The following SPIDR variants were observed in gnomAD, a reference collection of about 807,000 sequenced individuals.
SPIDR encodes DNA repair-scaffolding protein.
In SPIDR, 93 loss-of-function variants were observed where a neutral mutation model predicts 104.6. That is an observed-to-expected ratio of 0.89 (90% CI 0.75 to 1.06). The LOEUF is 1.06. Among genes scored for constraint, SPIDR ranks in the 50% least tolerant of loss-of-function variants. SPIDR has a pLI of 0.00. For missense variants in SPIDR, 1,154 were observed against 1,111.2 expected (o/e 1.04, Z -0.55); for synonymous variants, 431 against 416.9 (o/e 1.03, Z -0.41).
intron 6 of SPIDR, among the ~76,000 whole-genome samples, chr8:47,403,384 G>C (rs1289445010): frequency 2.0e-5 from 3 of 152,160 alleles, no homozygotes; most frequent in African/African-American, 7.2e-5. Flanking sequence ...GAAATAAAGG[G>C]TGTTCAGTTA....
chr8:47,379,125 C>G (rs2059023198), intron 5 of SPIDR, among the ~76,000 whole-genome samples: 1 of 152,088 alleles, frequency 6.6e-6, no homozygotes, highest in African/African-American at 2.4e-5. Flanking sequence ...GAGCAGCCTA[C>G]ATGTAGCCAG....
intron 8 of SPIDR, among the ~76,000 whole-genome samples, chr8:47,517,598 T>C (rs1278674730): frequency 6.6e-6 from 1 of 152,216 alleles, no homozygotes; most frequent in Non-Finnish European, 1.5e-5. Flanking sequence ...AATGATTATG[T>C]TCATCTATCC....
chr8:47,646,921 C>G (rs537694030), intron 10 of SPIDR, among the ~76,000 whole-genome samples: 1 of 152,116 alleles, frequency 6.6e-6, no homozygotes, highest in South Asian at 2.1e-4. Context: ...GTATATACAG[C>G]AATAATGTTA....
intron 5 of SPIDR, among the ~76,000 whole-genome samples, chr8:47,344,138 G>C (rs1461039945): frequency 3.1e-4 from 41 of 130,172 alleles, no homozygotes; most frequent in African/African-American, 1.2e-3. Flanking sequence ...CCCACGACAA[G>C]TCCCGGTGTG....
chr8:47,502,103 T>G (rs1321081173), intron 8 of SPIDR, among the ~76,000 whole-genome samples: 1 of 152,168 alleles, frequency 6.6e-6, no homozygotes, highest in Non-Finnish European at 1.5e-5. Context: ...TAAAATTGTC[T>G]TTTTTTGTTG....
At position 47,364,907 on chromosome 8, in the gene SPIDR, T is replaced by C. The variant is rs139217183; in HGVS notation, c.526-31469T>C. Among the ~76,000 whole-genome samples, 4 of 152,356 alleles carry C rather than the reference T, an allele frequency of 2.6e-5. No homozygotes were observed. The East Asian group carries it at 7.7e-4, about 29-fold the overall frequency. On this transcript the variant is annotated intron_variant, in intron 5 of 19. Transcript: ENST00000297423. ...CAGGTAGCAGATGGATGGGCCTTTA[T>C]GCCCCGTCATGTGTGGGTGCCCTGG...
At chr8:47,622,078 T>C (rs1049419309) in intron 10 of SPIDR, among the ~76,000 whole-genome samples, 1 of 152,034 alleles carries the variant, frequency 6.6e-6, no homozygotes, top group African/African-American at 2.4e-5. Context: ...AGTGTCTTAG[T>C]GGCAGGCAGG....
chr8:47,727,128 C>A, intron 16 of SPIDR, 72 bp from the exon 17 acceptor site: 1 of 1,329,444 alleles, frequency 7.5e-7, no homozygotes, highest in Non-Finnish European at 1.1e-6. Flanking sequence ...TTGTCCTCTG[C>A]ACGTGGAGGA....
At chr8:47,475,931 A>G (rs1035998511) in intron 8 of SPIDR, among the ~76,000 whole-genome samples, 2 of 152,238 alleles carry the variant, frequency 1.3e-5, no homozygotes, top group Non-Finnish European at 2.9e-5. Context: ...TTTCTTTTTA[A>G]TAAAAGACAT....
chr8:47,724,303 G>C (rs954178708), intron 16 of SPIDR, among the ~76,000 whole-genome samples: 1 of 152,158 alleles, frequency 6.6e-6, no homozygotes, highest in Non-Finnish European at 1.5e-5. Context: ...AAATAACAAA[G>C]ATTATCCAAG....
chr8:47,300,926 G>A (rs1563530895), intron 5 of SPIDR, among the ~76,000 whole-genome samples: 2 of 152,194 alleles, frequency 1.3e-5, no homozygotes, highest in Admixed American at 1.3e-4. Context: ...GTATTCTGTT[G>A]ATTGGGGGTG....
rs372438869 is a variant in SPIDR, at chr8:47,462,533, G to A, written c.1097+21991G>A. 2.0e-3 allele frequency among the ~76,000 whole-genome samples: 310 copies of A among 152,214 alleles called. 1 individual carries two copies. The South Asian group carries it at 0.044, about 22-fold the overall frequency. ...AGAAACTATTGAGATGAATGAAAAC[G>A]AAAACATAATGTACTAAAACTTACG... On this transcript the variant is annotated intron_variant, in intron 8 of 19. Coordinates refer to ENST00000297423, the MANE Select transcript of SPIDR (RefSeq NM_001080394.4).
At chr8:47,495,468 C>T (rs1313152753) in intron 8 of SPIDR, among the ~76,000 whole-genome samples, 1 of 151,918 alleles carries the variant, frequency 6.6e-6, no homozygotes, top group Non-Finnish European at 1.5e-5. Flanking sequence ...TTTATATACT[C>T]ACAGAGTTGT....
At chr8:47,677,040 A>C (rs117847940) in intron 11 of SPIDR, among the ~76,000 whole-genome samples, 29 of 152,344 alleles carry the variant, frequency 1.9e-4, no homozygotes, top group Non-Finnish European at 3.4e-4. Context: ...AAAACTGTAC[A>C]GTTTTCACAA....
intron 3 of SPIDR, among the ~76,000 whole-genome samples, chr8:47,288,989 T>C (rs1057295158): frequency 9.9e-5 from 15 of 152,204 alleles, no homozygotes; most frequent in Non-Finnish European, 4.4e-5. Flanking sequence ...ACCACACATA[T>C]TCCTTGTGGG....
At chr8:47,678,400 C>T (rs1197368457) in intron 11 of SPIDR, among the ~76,000 whole-genome samples, 6 of 152,280 alleles carry the variant, frequency 3.9e-5, no homozygotes, top group African/African-American at 1.4e-4. Context: ...TTTCCCACAG[C>T]TGAAGGAAGG....
chr8:47,580,028 A>G (rs1339214956), intron 8 of SPIDR, among the ~76,000 whole-genome samples: 1 of 152,312 alleles, frequency 6.6e-6, no homozygotes, highest in Middle Eastern at 3.4e-3. Flanking sequence ...TCCTCCGAAG[A>G]TGGGAATAGT....
At chr8:47,276,017 T>A (rs1425351636) in intron 1 of SPIDR, among the ~76,000 whole-genome samples, 1 of 152,084 alleles carries the variant, frequency 6.6e-6, no homozygotes, top group African/African-American at 2.4e-5. Context: ...CCACCAGGCC[T>A]GGCTAATTTT....
At chr8:47,658,797 G>A (rs2073459926) in intron 10 of SPIDR, among the ~76,000 whole-genome samples, 1 of 151,290 alleles carries the variant, frequency 6.6e-6, no homozygotes, top group East Asian at 2.0e-4. Flanking sequence ...TTAGCAGGGC[G>A]TGGTGGCAGG....
Sources: allele counts gnomAD v4.1 joint callset (sites outside exome capture counted in the v4.1 genomes callset), GRCh38; gene constraint gnomAD v4.1.1; transcripts MANE v1.5; gene names NCBI Gene and HGNC (gene_info 2026-07-23, HGNC 2026-07-21).